Variants in MMP2 observed in about 807,000 individuals in gnomAD.
MMP2 encodes 72 kDa type IV collagenase.
A neutral mutation model predicts 74.8 loss-of-function variants in MMP2; 39 were observed. The observed-to-expected ratio is 0.52, with a 90% CI of 0.40 to 0.68. MMP2 has a LOEUF of 0.68. Among genes scored for constraint, MMP2 ranks in the 30% least tolerant of loss-of-function variants. MMP2 has a pLI of 0.00. For synonymous variants in MMP2, 367 were observed against 339.8 expected (o/e 1.08, Z -0.88); for missense variants, 803 against 878.3 (o/e 0.91, Z 1.08).
chr16:55,483,906 TAC>T (rs755796536), intron 2 of MMP2, 108 bp from the exon 3 acceptor site: 337 of 1,157,456 alleles, frequency 2.9e-4, no homozygotes, highest in Middle Eastern at 3.8e-4. Context: ...TATGTTCACA[TAC>T]ACACACACAC....
At chr16:55,491,473 A>G (rs1172236622) in intron 7 of MMP2, among the ~76,000 whole-genome samples, 4 of 152,130 alleles carry the variant, frequency 2.6e-5, no homozygotes, top group Non-Finnish European at 5.9e-5. Flanking sequence ...AGGAAGCAGG[A>G]TTTTAAAATG....
intron 9 of MMP2, among the ~76,000 whole-genome samples, chr16:55,495,442 C>G (rs1962509020): frequency 1.3e-5 from 2 of 152,194 alleles, no homozygotes; most frequent in Admixed American, 6.5e-5. Context: ...CAACCATGAG[C>G]AAAAATTGCT....
chr16:55,502,700 C>T, intron 11 of MMP2, 79 bp from the exon 12 acceptor site: 1 of 1,286,230 alleles, frequency 7.8e-7, no homozygotes, highest in Non-Finnish European at 1.1e-6. Context: ...GAGCCATCAG[C>T]TGGGTGCTCC....
At chr16:55,479,985 G>GGC in intron 1 of MMP2, 1 of 295,016 alleles carries the variant, frequency 3.4e-6, no homozygotes, top group Admixed American at 5.0e-5. Context: ...TGGCGGGGGG[G>GGC]GGGGGCGGTC....
Position 55,485,442 on chromosome 16 carries a change from C to T in MMP2, c.658+15C>T. On this transcript the variant is annotated intron_variant, in intron 4 of 12. Transcript: ENST00000219070. Reference sequence around the variant, plus strand: ...AGAAGGCCAAGGTGAGAAAGGGGCCCTCTGCATGCCCCAGACCTTCTCTCC... The same window carrying T: ...AGAAGGCCAAGGTGAGAAAGGGGCCTTCTGCATGCCCCAGACCTTCTCTCC... The T allele has an allele frequency of 1.2e-6, 2 of 1,614,122 alleles. No individual in the cohort carries two copies. Among genetic ancestry groups the T allele is most frequent in the African/African-American group, 2.7e-5 (2 of 75,010 alleles).
At chr16:55,498,156 C>A in intron 10 of MMP2, 133 bp from the exon 11 acceptor site, 2 of 1,182,720 alleles carry the variant, frequency 1.7e-6, no homozygotes, top group Non-Finnish European at 1.2e-6. Context: ...GGCACTGCAA[C>A]CAGGAGTGAG....
Position 55,485,577 on chromosome 16 carries a change from A to G in MMP2, c.659-27A>G, listed in dbSNP as rs1033411992. The G allele has an allele frequency of 5.6e-6, 9 of 1,613,512 alleles. No individual in the cohort carries two copies. In the Admixed American group the frequency reaches 1.0e-4, roughly 18 times the overall value. ...TCCAAAGAAGGCCTGGAGAAGTCCA[A>G]CCTCCCCCTTCCATGTCACTCTTTA... is the stretch of plus-strand genomic sequence containing the variant. On this transcript the variant is annotated intron_variant, in intron 4 of 12. Coordinates refer to ENST00000219070, the MANE Select transcript of MMP2 (RefSeq NM_004530.6).
chr16:55,490,185 G>A (rs1041613530), intron 7 of MMP2, among the ~76,000 whole-genome samples: 4 of 152,184 alleles, frequency 2.6e-5, no homozygotes, highest in Admixed American at 6.5e-5. Flanking sequence ...TGAATTCTGA[G>A]CACAGATTAC....
intron 3 of MMP2, among the ~76,000 whole-genome samples, chr16:55,485,079 G>A (rs570072216): frequency 1.3e-5 from 2 of 152,210 alleles, no homozygotes; most frequent in South Asian, 4.2e-4. Flanking sequence ...GATACTGGGA[G>A]TCATGTAAAC....
intron 6 of MMP2, 73 bp from the exon 7 acceptor site, chr16:55,489,578 C>A: frequency 6.4e-7 from 1 of 1,568,790 alleles, no homozygotes; most frequent in Non-Finnish European, 8.7e-7. Flanking sequence ...TTAAGGTCAG[C>A]GTCATGTCAT....
In MMP2 at chr16:55,495,929, G is replaced by A. The variant is rs186019531; in HGVS notation, c.1473-997G>A. Among the ~76,000 whole-genome samples the A allele has an allele frequency of 3.7e-3, 563 of 152,244 alleles. 1 individual carries two copies. Among genetic ancestry groups the A allele is most frequent in the African/African-American group, 0.012 (511 of 41,518 alleles). ...CAGGAAGCGAGAGAGAAAGAGACAC[G>A]CACAGATACACACACACAGACCCCC... On this transcript the variant is annotated intron_variant, in intron 9 of 12. Transcript: ENST00000219070.
chr16:55,506,514 A>G lies in MMP2; in HGVS notation c.*1072A>G, dbSNP rs1567385432. ...GCTTCCTCTTTAAGTCTGTTTCTTC[A>G]TTAGCAATCATATCAGTTTTAATGC... On this transcript the variant is annotated 3_prime_UTR_variant, in exon 13 of 13. Coordinates refer to ENST00000219070, the MANE Select transcript of MMP2 (RefSeq NM_004530.6). 1 of 152,228 alleles carries G rather than the reference A, an allele frequency of 6.6e-6. No individual in the cohort carries two copies. The highest frequency in any genetic ancestry group is 1.5e-5 in the Non-Finnish European group (1 of 68,046). The allele number at this position is 152,228 out of a possible 1,614,324, so 9.4% of individuals were successfully genotyped here.
intron 1 of MMP2, chr16:55,481,682 A>C: frequency 3.6e-6 from 2 of 560,072 alleles, no homozygotes; most frequent in Non-Finnish European, 6.5e-6. Context: ...TGTTGTCCAG[A>C]GGCAATGCAG....
chr16:55,494,336 G>A (rs1962485045), intron 9 of MMP2, among the ~76,000 whole-genome samples: 1 of 152,154 alleles, frequency 6.6e-6, no homozygotes, highest in Non-Finnish European at 1.5e-5. Flanking sequence ...TATCTCCTAG[G>A]GCTGTTGTAA....
At chr16:55,503,258 A>G (rs1463555095) in intron 12 of MMP2, among the ~76,000 whole-genome samples, 1 of 152,230 alleles carries the variant, frequency 6.6e-6, no homozygotes, top group Non-Finnish European at 1.5e-5. Flanking sequence ...TCCCATTAGC[A>G]GAAGGATGGC....
At position 55,497,037 on chromosome 16, in the gene MMP2, G is replaced by A; in HGVS notation, c.1584G>A (p.Gln528=). Residue 528 remains glutamine, a synonymous_variant, in exon 10 of 13, where the codon CAG becomes CAA. Transcript: ENST00000219070. ...TTGATGCGGTATACGAGGCCCCACA[G>A]GAGGAGAAGGCTGTGTTCTTTGCAG... is the stretch of plus-strand genomic sequence containing the variant. ...EKIDAVYEAP[Q]EEKAVFFAGN... 2 of 1,614,148 alleles carry A rather than the reference G, an allele frequency of 1.2e-6. No individual in the cohort carries two copies. The highest frequency in any genetic ancestry group is 1.7e-6 in the Non-Finnish European group (2 of 1,180,034).
intron 9 of MMP2, among the ~76,000 whole-genome samples, chr16:55,496,354 G>A (rs571905573): frequency 2.0e-5 from 3 of 152,158 alleles, no homozygotes; most frequent in African/African-American, 7.2e-5. Context: ...AAGAAGGATG[G>A]TGGGGAAATA....
chr16:55,490,718 G>A (rs560207871), intron 7 of MMP2, among the ~76,000 whole-genome samples: 24 of 152,298 alleles, frequency 1.6e-4, no homozygotes, highest in Middle Eastern at 3.4e-3. Context: ...AGATGTCAGT[G>A]GACAGAGGCT....
rs111278338 is a variant in MMP2 at position 55,485,920 on chromosome 16, T to G, written c.832+143T>G. 0.034 allele frequency: 27,624 copies of G among 806,566 alleles called. 877 individuals are homozygous for G. The highest frequency in any genetic ancestry group is 0.085 in the East Asian group (3,286 of 38,524). The allele number at this position is 806,566 out of a possible 1,614,324, so 50.0% of individuals were successfully genotyped here. A position where few individuals can be genotyped will look rare whatever the true frequency, so the allele number is the denominator to read the frequency against. On this transcript the variant is annotated intron_variant, in intron 5 of 12. Coordinates refer to ENST00000219070, the MANE Select transcript of MMP2 (RefSeq NM_004530.6). ...CATCCCTCCAACGTCCTTCACTCAG[T>G]TCCCCCCCATCCTGATCTGAGCCAT...
Sources: allele counts gnomAD v4.1 joint callset (sites outside exome capture counted in the v4.1 genomes callset), GRCh38; gene constraint gnomAD v4.1.1; transcripts MANE v1.5; gene names NCBI Gene and HGNC (gene_info 2026-07-23, HGNC 2026-07-21).